The following SLC7A8 variants were observed in gnomAD, a reference collection of about 807,000 sequenced individuals.
SLC7A8 encodes the protein large neutral amino acids transporter small subunit 2.
A neutral mutation model predicts 51.2 loss-of-function variants in SLC7A8; 30 were observed. The ratio of observed to expected loss-of-function variants is 0.59; its 90% confidence interval spans 0.44 to 0.80. SLC7A8 has a LOEUF of 0.80. Among genes scored for constraint, SLC7A8 ranks in the 30% least tolerant of loss-of-function variants. SLC7A8 has a pLI of 0.00. For missense variants in SLC7A8, 612 were observed against 674.4 expected (o/e 0.91, Z 1.03); for synonymous variants, 257 against 275.8 (o/e 0.93, Z 0.67).
At chr14:23,181,989 C>T (rs141205138) in intron 1 of SLC7A8, among the ~76,000 whole-genome samples, 28 of 152,338 alleles carry the variant, frequency 1.8e-4, no homozygotes, top group South Asian at 4.1e-4. Flanking sequence ...CACCTCCCAG[C>T]TAGGACACAT....
chr14:23,154,600 C>T (rs1482510913), intron 3 of SLC7A8: 1 of 497,138 alleles, frequency 2.0e-6, no homozygotes, highest in Non-Finnish European at 2.6e-6. Context: ...TAAGCAGTGC[C>T]GGCTGCCAAA....
rs866692604 is a variant in SLC7A8, at chr14:23,125,960, G to C, written c.*1217C>G. 1 of 152,770 alleles carries C rather than the reference G, an allele frequency of 6.5e-6. No homozygotes were observed. Among genetic ancestry groups the C allele is most frequent in the South Asian group, 2.1e-4 (1 of 4,828 alleles). The allele number at this position is 152,770 out of a possible 1,614,324, so 9.5% of individuals were successfully genotyped here. On this transcript the variant is annotated 3_prime_UTR_variant, in exon 11 of 11. Transcript: ENST00000316902. ...TACCCTTTCACCCTGCCCCAAGACA[G>C]CATGACACTGAGACCTGCGAGGAGT...
chr14:23,157,793 C>A (rs2140330191), intron 3 of SLC7A8, among the ~76,000 whole-genome samples: 1 of 152,324 alleles, frequency 6.6e-6, no homozygotes, highest in South Asian at 2.1e-4. Context: ...TTCTTCAACC[C>A]CAGTCCCATC....
At chr14:23,156,966 A>C (rs1435797918) in intron 3 of SLC7A8, among the ~76,000 whole-genome samples, 1 of 152,226 alleles carries the variant, frequency 6.6e-6, no homozygotes, top group Non-Finnish European at 1.5e-5. Flanking sequence ...TGAAACGAAG[A>C]AGAAGGCTGA....
chr14:23,154,601 G>A (rs573951282), intron 3 of SLC7A8, among the ~76,000 whole-genome samples: 42 of 152,280 alleles, frequency 2.8e-4, no homozygotes, highest in African/African-American at 8.7e-4. Context: ...AAGCAGTGCC[G>A]GCTGCCAAAA....
At chr14:23,132,923 A>G (rs1439387775) in intron 7 of SLC7A8, among the ~76,000 whole-genome samples, 1 of 151,606 alleles carries the variant, frequency 6.6e-6, no homozygotes, top group African/African-American at 2.4e-5. Context: ...GGCATGAGCC[A>G]CTATGCCCAG....
At chr14:23,153,538 C>G (rs1035138442) in intron 3 of SLC7A8, among the ~76,000 whole-genome samples, 9 of 152,202 alleles carry the variant, frequency 5.9e-5, no homozygotes, top group Non-Finnish European at 1.3e-4. Context: ...CCAGCCTGGA[C>G]TGCTTTCTGT....
chr14:23,170,090 T>C lies in SLC7A8; in HGVS notation c.152-3550A>G, dbSNP rs914535309. ...AAAACATTGATATCCATTACCTTAC[T>C]TGATCTCCTAAGTACTTTCTTAGGT... is the stretch of plus-strand genomic sequence containing the variant. On this transcript the variant is annotated intron_variant, in intron 1 of 10. Coordinates refer to ENST00000316902, the MANE Select transcript of SLC7A8 (RefSeq NM_012244.4). Among the ~76,000 whole-genome samples the C allele has an allele frequency of 3.9e-5, 6 of 152,234 alleles. No individual in the cohort carries two copies. In the South Asian group the frequency reaches 1.0e-3, roughly 26 times the overall value.
In SLC7A8 at chr14:23,126,213, C is replaced by G. The variant is rs1033364410; in HGVS notation, c.*964G>C. ...CTTAAGGCTGATCTGGCTCTGATCT[C>G]AGGCCTGAAGGGCTTGGGGATCCTT... On this transcript the variant is annotated 3_prime_UTR_variant, in exon 11 of 11. Transcript: ENST00000316902. 6.5e-6 allele frequency: 1 copy of G among 153,104 alleles called. No individual in the cohort carries two copies. Among genetic ancestry groups the G allele is most frequent in the African/African-American group, 2.4e-5 (1 of 41,450 alleles). The allele number at this position is 153,104 out of a possible 1,614,324, so 9.5% of individuals were successfully genotyped here. A position where few individuals can be genotyped will look rare whatever the true frequency, so the allele number is the denominator to read the frequency against.
At chr14:23,135,572 G>A (rs908242778) in intron 7 of SLC7A8, among the ~76,000 whole-genome samples, 1 of 151,796 alleles carries the variant, frequency 6.6e-6, no homozygotes, top group Non-Finnish European at 1.5e-5. Flanking sequence ...CGTGGTGGCA[G>A]GCGCCTGTAG....
chr14:23,145,149 T>C (rs1178098752), intron 3 of SLC7A8, among the ~76,000 whole-genome samples: 2 of 150,906 alleles, frequency 1.3e-5, no homozygotes, highest in Non-Finnish European at 3.0e-5. Context: ...CTCGATCTCC[T>C]GATCTCATGA....
chr14:23,139,620 GTCTT>G, intron 5 of SLC7A8, 73 bp from the exon 6 acceptor site: 1 of 1,530,574 alleles, frequency 6.5e-7, no homozygotes, highest in Non-Finnish European at 8.8e-7. Flanking sequence ...TCCAGGGGGT[GTCTT>G]CTGTCTTTCT....
At chr14:23,155,445 T>A in intron 3 of SLC7A8, 2 of 1,433,994 alleles carry the variant, frequency 1.4e-6, no homozygotes, top group Non-Finnish European at 1.8e-6. Flanking sequence ...CTGGGGTTTC[T>A]GCTGAATCAC....
At chr14:23,162,773 C>A (rs1195305752) in intron 3 of SLC7A8, among the ~76,000 whole-genome samples, 1 of 152,070 alleles carries the variant, frequency 6.6e-6, no homozygotes, top group Non-Finnish European at 1.5e-5. Flanking sequence ...GAGGTCAAAC[C>A]CTTGGCAGAT....
chr14:23,158,048 GTATAA>G (rs1482081778), intron 3 of SLC7A8, among the ~76,000 whole-genome samples: 1 of 152,212 alleles, frequency 6.6e-6, no homozygotes, highest in African/African-American at 2.4e-5. Context: ...GGTGGGTGTA[GTATAA>G]TATGTGTTAA....
intron 3 of SLC7A8, among the ~76,000 whole-genome samples, chr14:23,160,356 G>C (rs1486650059): frequency 6.6e-6 from 1 of 152,134 alleles, no homozygotes; most frequent in African/African-American, 2.4e-5. Context: ...TGGATCACGA[G>C]GTCAGGAGAT....
rs1229441470 is a variant in SLC7A8, at chr14:23,138,191, G to T, written c.913-167C>A. 19 of 728,642 alleles carry T rather than the reference G, an allele frequency of 2.6e-5. No individual in the cohort carries two copies. The East Asian group carries it at 4.9e-4, about 19-fold the overall frequency. 45.1% of individuals were successfully genotyped at this position (728,642 alleles called of 1,614,324 possible). ...CTCTCAAGGGTGGACCCCTACACAG[G>T]GTGGTTAATGCATGTTTTAGGCTAA... On this transcript the variant is annotated intron_variant, in intron 6 of 10. Transcript: ENST00000316902.
intron 3 of SLC7A8, chr14:23,155,160 A>C: frequency 6.5e-7 from 1 of 1,535,828 alleles, no homozygotes; most frequent in Non-Finnish European, 8.7e-7. Flanking sequence ...ATCTCGAAGC[A>C]CTTACAACGT....
chr14:23,143,076 C>A lies in SLC7A8; in HGVS notation c.634+3G>T. On this transcript the variant is annotated splice_donor_region_variant and intron_variant, in intron 4 of 10. Transcript: ENST00000316902. ...CAGTACCTGTTTTTCCTGCGATACT[C>A]ACCTTTGCATATCTGTACAATCCCC... 6.2e-7 allele frequency: 1 copy of A among 1,613,974 alleles called. No homozygotes were observed. Among genetic ancestry groups the A allele is most frequent in the Non-Finnish European group, 8.5e-7 (1 of 1,179,896 alleles).
Sources: allele counts gnomAD v4.1 joint callset (sites outside exome capture counted in the v4.1 genomes callset), GRCh38; gene constraint gnomAD v4.1.1; transcripts MANE v1.5; gene names NCBI Gene and HGNC (gene_info 2026-07-23, HGNC 2026-07-21).